The following CIMIP2A variants were observed in gnomAD, a reference collection of about 807,000 sequenced individuals.
CIMIP2A encodes family with sequence similarity 166 member A.
At chr9:137,252,886 T>A in the CIMIP2A span, 1 of 1,594,560 alleles carries the variant, frequency 6.3e-7, no homozygotes, top group Non-Finnish European at 8.5e-7. Flanking sequence ...ATATCCTTCC[T>A]GGGAGCCGCC....
At chr9:137,247,595 GC>G in the CIMIP2A span, 1 of 1,497,684 alleles carries the variant, frequency 6.7e-7, no homozygotes. Flanking sequence ...CATGCCTCAG[GC>G]CCCAGCCATT....
At chr9:137,245,823 G>A in the CIMIP2A span, 1 of 1,510,034 alleles carries the variant, frequency 6.6e-7, no homozygotes, top group African/African-American at 1.4e-5. Context: ...TCCCCACCTG[G>A]TAGCGCAGCT....
At chr9:137,253,372 T>C in the CIMIP2A span, 1 of 1,522,974 alleles carries the variant, frequency 6.6e-7, no homozygotes, top group Non-Finnish European at 8.8e-7. Context: ...GGCACCCCGA[T>C]GCACCCTTCT....
At chr9:137,244,064 ATGGTCAGACAGG>A in the CIMIP2A span, 1 of 1,191,934 alleles carries the variant, frequency 8.4e-7, no homozygotes, top group African/African-American at 1.5e-5. Flanking sequence ...GACCCTGGTA[ATGGTCAGACAGG>A]TGGTCCTGAA....
chr9:137,254,718 T>C, the CIMIP2A span, among the ~76,000 whole-genome samples: 3 of 150,820 alleles, frequency 2.0e-5, no homozygotes, highest in African/African-American at 7.4e-5. Context: ...CCGCCTGGGA[T>C]AAGAAGGGAC....
At chr9:137,245,887 T>C in the CIMIP2A span, 1 of 1,466,500 alleles carries the variant, frequency 6.8e-7, no homozygotes, top group South Asian at 1.5e-5. Flanking sequence ...AGGGCAGGTC[T>C]CAAGGGCAGC....
At chr9:137,246,068 T>C in the CIMIP2A span, among the ~76,000 whole-genome samples, 47 of 152,326 alleles carry the variant, frequency 3.1e-4, 1 homozygote, top group Middle Eastern at 6.8e-3. Context: ...ACACACCACA[T>C]GCTGGGAACA....
chr9:137,251,302 C>T, the CIMIP2A span: 24 of 1,612,228 alleles, frequency 1.5e-5, no homozygotes, highest in Non-Finnish European at 2.0e-5. Context: ...GAATTCTGAC[C>T]AGAAGGCAGT....
the CIMIP2A span, chr9:137,255,111 G>A: frequency 6.2e-6 from 1 of 161,726 alleles, no homozygotes; most frequent in Non-Finnish European, 1.3e-5. Context: ...GGAGCAGACG[G>A]ACCCTGAGTC....
the CIMIP2A span, chr9:137,245,822 G>A: frequency 1.3e-6 from 2 of 1,510,020 alleles, no homozygotes; most frequent in African/African-American, 2.8e-5. Flanking sequence ...TTCCCCACCT[G>A]GTAGCGCAGC....
At chr9:137,253,213 C>G in the CIMIP2A span, 1 of 1,608,532 alleles carries the variant, frequency 6.2e-7, no homozygotes, top group Non-Finnish European at 8.5e-7. Context: ...CAGACCCAAG[C>G]GCCACGACAC....
the CIMIP2A span, chr9:137,244,930 T>C: frequency 1.9e-6 from 3 of 1,599,610 alleles, no homozygotes; most frequent in African/African-American, 4.0e-5. Context: ...GCTGGGCTCC[T>C]GGAAGCAGCT....
At chr9:137,245,669 G>C in the CIMIP2A span, 1 of 1,606,498 alleles carries the variant, frequency 6.2e-7, no homozygotes, top group Non-Finnish European at 8.5e-7. Context: ...GGCTCCGTCA[G>C]GTCTTGGCAG....
the CIMIP2A span, chr9:137,251,205 A>G: frequency 1.0e-6 from 1 of 1,000,212 alleles, no homozygotes; most frequent in Non-Finnish European, 1.6e-6. Flanking sequence ...TGTCTTCCTC[A>G]GGAGTCCCAG....
chr9:137,251,947 TG>T, the CIMIP2A span: 12 of 1,596,482 alleles, frequency 7.5e-6, no homozygotes, highest in Admixed American at 1.6e-4. Flanking sequence ...TGGGGGGCTG[TG>T]GGAGGGGCCC....
At chr9:137,251,143 G>C in the CIMIP2A span, 4 of 688,560 alleles carry the variant, frequency 5.8e-6, no homozygotes, top group Middle Eastern at 1.2e-3. Context: ...TAGTGGGGGA[G>C]GGGCCCACCA....
the CIMIP2A span, chr9:137,247,890 G>A: frequency 1.6e-6 from 1 of 627,996 alleles, no homozygotes; most frequent in East Asian, 2.8e-5. Flanking sequence ...GAGACACTGA[G>A]GCCCAGACAG....
At chr9:137,251,483 A>G in the CIMIP2A span, 8 of 1,132,906 alleles carry the variant, frequency 7.1e-6, no homozygotes, top group Non-Finnish European at 1.0e-5. Context: ...GTTGCTGGGC[A>G]GGCGGCTGGG....
the CIMIP2A span, among the ~76,000 whole-genome samples, chr9:137,248,869 C>T: frequency 6.6e-6 from 1 of 152,052 alleles, no homozygotes; most frequent in Admixed American, 6.6e-5. Flanking sequence ...CCATTTCTCA[C>T]AAACAAACAA....
Sources: gnomAD v4.1 joint callset for allele counts (sites outside exome capture counted in the v4.1 genomes callset) on GRCh38, gnomAD v4.1.1 for gene constraint, MANE v1.5 for transcripts, NCBI Gene and HGNC (gene_info 2026-07-23, HGNC 2026-07-21) for gene names.